Variants in LRRC38 observed in about 807,000 individuals in gnomAD.
LRRC38 encodes the protein leucine rich repeat containing 38.
In LRRC38, 5 loss-of-function variants were observed where a neutral mutation model predicts 16.4. The observed-to-expected ratio is 0.31, with a 90% CI of 0.16 to 0.64. The LOEUF is 0.64. Ranked by LOEUF, LRRC38 falls within the 30% of genes least tolerant of loss-of-function variation. The pLI is 0.80. For missense variants in LRRC38, 341 were observed against 401.8 expected, an observed-to-expected ratio of 0.85 and a Z score of 1.29; for synonymous variants, 191 against 190.2, an observed-to-expected ratio of 1.00 and a Z score of -0.04.
At chr1:13,506,649 G>C (rs1428958273) in intron 1 of LRRC38, among the ~76,000 whole-genome samples, 1 of 152,140 alleles carries the variant, frequency 6.6e-6, no homozygotes, top group Non-Finnish European at 1.5e-5. Context: ...AGTAGAGATG[G>C]GGTTTCACCA....
intron 1 of LRRC38, among the ~76,000 whole-genome samples, chr1:13,494,530 A>G (rs1639058743): frequency 1.3e-5 from 2 of 152,098 alleles, no homozygotes; most frequent in African/African-American, 4.8e-5. Flanking sequence ...AAGAAAACTG[A>G]AGCACATAGC....
At chr1:13,478,096 G>A (rs754448650) in intron 1 of LRRC38, among the ~76,000 whole-genome samples, 1 of 152,170 alleles carries the variant, frequency 6.6e-6, no homozygotes, top group Non-Finnish European at 1.5e-5. Flanking sequence ...CATCCTGACT[G>A]ATACACAATA....
chr1:13,510,942 G>A (rs1017556682), intron 1 of LRRC38, among the ~76,000 whole-genome samples: 2 of 152,136 alleles, frequency 1.3e-5, no homozygotes, highest in African/African-American at 2.4e-5. Context: ...AGATACTCTC[G>A]GGCCACACAG....
At chr1:13,509,719 A>C (rs998438536) in intron 1 of LRRC38, among the ~76,000 whole-genome samples, 17 of 152,058 alleles carry the variant, frequency 1.1e-4, no homozygotes, top group Non-Finnish European at 1.5e-5. Context: ...CCTTCCCTAA[A>C]ACTGTAGAAC....
Position 13,513,107 on chromosome 1 carries a change from T to G in LRRC38, c.487A>C (p.Asn163His). ...GCGGCCACGCTGAGGCTGCGCAGGT[T>G]GTTGTCGTTGAGCTCCAGCACCTGC... ...SLQVLELNDN[N>H]LRSLSVAALA... Residue 163 changes from asparagine to histidine, a missense_variant, in exon 1 of 2, where the codon AAC becomes CAC. Transcript: ENST00000376085. 1 of 1,550,290 alleles carries G rather than the reference T, an allele frequency of 6.5e-7. No individual in the cohort carries two copies. The highest frequency in any genetic ancestry group is 8.7e-7 in the Non-Finnish European group (1 of 1,146,848).
At chr1:13,497,092 C>T (rs1400892747) in intron 1 of LRRC38, among the ~76,000 whole-genome samples, 3 of 152,166 alleles carry the variant, frequency 2.0e-5, no homozygotes, top group Admixed American at 6.5e-5. Flanking sequence ...GCAAGAAATT[C>T]GGTCAGAAAG....
chr1:13,511,388 T>C (rs1639272672), intron 1 of LRRC38, among the ~76,000 whole-genome samples: 1 of 152,012 alleles, frequency 6.6e-6, no homozygotes, highest in Non-Finnish European at 1.5e-5. Flanking sequence ...AATCCAGGGC[T>C]CTTTGGAGAT....
At chr1:13,510,042 A>G (rs568927342) in intron 1 of LRRC38, among the ~76,000 whole-genome samples, 2 of 152,268 alleles carry the variant, frequency 1.3e-5, no homozygotes, top group African/African-American at 4.8e-5. Context: ...TGACGCTTTG[A>G]GAAACACCAC....
chr1:13,506,080 C>A (rs577449936), intron 1 of LRRC38, among the ~76,000 whole-genome samples: 6 of 152,072 alleles, frequency 3.9e-5, no homozygotes, highest in Non-Finnish European at 1.5e-5. Context: ...AAGGGTCAGA[C>A]GTGACCTGTA....
At position 13,513,395 on chromosome 1, in the gene LRRC38, G is replaced by A. The variant is rs1035980391; in HGVS notation, c.199C>T (p.Arg67Cys). Reference sequence around the variant, plus strand: ...AAGTCCTCGGGGATCCGCTGGATGCGGTTGCCGGCCACCAGCAGCTTGCGC... The same window carrying A: ...AAGTCCTCGGGGATCCGCTGGATGCAGTTGCCGGCCACCAGCAGCTTGCGC... ...DVRKLLVAGN[R>C]IQRIPEDFFI... is the part of the protein sequence containing the mutation. The change falls in exon 1 of 2, where the codon CGC becomes TGC. Residue 67 changes from arginine (R) to cysteine (C), a missense_variant. Coordinates refer to ENST00000376085, the MANE Select transcript of LRRC38 (RefSeq NM_001010847.2). 1 of 1,550,588 alleles carries A rather than the reference G, an allele frequency of 6.4e-7. No homozygotes were observed. Among genetic ancestry groups the A allele is most frequent in the Middle Eastern group, 1.7e-4 (1 of 5,992 alleles).
At chr1:13,506,335 G>C (rs965932541) in intron 1 of LRRC38, among the ~76,000 whole-genome samples, 2 of 152,192 alleles carry the variant, frequency 1.3e-5, no homozygotes, top group Non-Finnish European at 2.9e-5. Context: ...GGATGCACTC[G>C]GCTGGGATCT....
intron 1 of LRRC38, among the ~76,000 whole-genome samples, chr1:13,493,993 G>A (rs1449393450): frequency 2.0e-5 from 3 of 152,140 alleles, no homozygotes; most frequent in Non-Finnish European, 4.4e-5. Flanking sequence ...AACCCAGGAG[G>A]CGGAGGTTGC....
chr1:13,478,763 G>C (rs576524583), intron 1 of LRRC38, among the ~76,000 whole-genome samples: 3 of 152,164 alleles, frequency 2.0e-5, no homozygotes, highest in Non-Finnish European at 4.4e-5. Flanking sequence ...AACCACCCTG[G>C]GGGGGTTTGT....
At chr1:13,486,586 AC>A (rs1190512706) in intron 1 of LRRC38, among the ~76,000 whole-genome samples, 1 of 132,856 alleles carries the variant, frequency 7.5e-6, no homozygotes, top group East Asian at 2.1e-4. Context: ...GTCTTGGTGT[AC>A]CTTTTTTTTT....
At chr1:13,490,438 C>T (rs1224867184) in intron 1 of LRRC38, among the ~76,000 whole-genome samples, 3 of 152,136 alleles carry the variant, frequency 2.0e-5, no homozygotes, top group African/African-American at 7.2e-5. Flanking sequence ...GGATTACAGG[C>T]GTGAGCCACT....
In LRRC38 at chr1:13,492,403, T is replaced by TA. The variant is rs1011838501; in HGVS notation, c.632-16305dup. Among the ~76,000 whole-genome samples, 6 of 152,090 alleles carry TA rather than the reference T, an allele frequency of 3.9e-5. 1 individual carries two copies. Among genetic ancestry groups the TA allele is most frequent in the Admixed American group, 3.9e-4 (6 of 15,250 alleles). On this transcript the variant is annotated intron_variant, in intron 1 of 1. Transcript: ENST00000376085. ...AAAAAATAGAGAAAATTTTCATTCTTAAAAAAAGGATTTTTGGCCGGGTGC... is the reference window on the plus strand; with the variant it reads ...AAAAAATAGAGAAAATTTTCATTCTTAAAAAAAAGGATTTTTGGCCGGGTGC...
intron 1 of LRRC38, among the ~76,000 whole-genome samples, chr1:13,489,587 T>C (rs1638983408): frequency 1.3e-5 from 2 of 152,124 alleles, no homozygotes; most frequent in South Asian, 4.1e-4. Flanking sequence ...CCTGAGCATC[T>C]GGGGAAGCTG....
rs577449936 is a variant in LRRC38, at chr1:13,506,080, C to T, written c.631+6883G>A. On this transcript the variant is annotated intron_variant, in intron 1 of 1. Transcript: ENST00000376085. ...TGTTGCCTCCTCAAAAAGGGTCAGA[C>T]GTGACCTGTAACGTCAGGCAGTGGT... is the stretch of plus-strand genomic sequence containing the variant. Among the ~76,000 whole-genome samples, 26 of 152,190 alleles carry T rather than the reference C, an allele frequency of 1.7e-4. No homozygotes were observed. The South Asian group carries it at 3.1e-3, about 18-fold the overall frequency.
intron 1 of LRRC38, among the ~76,000 whole-genome samples, chr1:13,494,025 T>C (rs1473928595): frequency 3.3e-5 from 5 of 151,764 alleles, no homozygotes; most frequent in African/African-American, 1.2e-4. Context: ...ATCGCACCAC[T>C]GCACTCCAGC....
Sources: allele counts gnomAD v4.1 joint callset (sites outside exome capture counted in the v4.1 genomes callset), GRCh38; gene constraint gnomAD v4.1.1; transcripts MANE v1.5; gene names NCBI Gene and HGNC (gene_info 2026-07-23, HGNC 2026-07-21).